The following PTPN9 variants were observed in gnomAD, a reference collection of about 807,000 sequenced individuals.
The protein encoded by PTPN9 is protein tyrosine phosphatase non-receptor type 9.
Under a neutral mutation model 69.8 loss-of-function variants are expected in PTPN9, and 26 were observed. The observed-to-expected ratio is 0.37, with a 90% CI of 0.27 to 0.52. PTPN9 has a LOEUF of 0.52. Among genes scored for constraint, PTPN9 ranks in the 20% least tolerant of loss-of-function variants. PTPN9 has a pLI of 0.91. For missense variants in PTPN9, 549 were observed against 740.3 expected, an observed-to-expected ratio of 0.74 and a Z score of 3.00; for synonymous variants, 274 against 272.5, an observed-to-expected ratio of 1.01 and a Z score of -0.05.
At chr15:75,530,737 TTATATAATA>T (rs2074957921) in intron 1 of PTPN9, among the ~76,000 whole-genome samples, 1 of 33,804 alleles carries the variant, frequency 3.0e-5, no homozygotes, top group Non-Finnish European at 4.1e-5. Context: ...ATATATATTA[TTATATAATA>T]TATATAATAT....
intron 1 of PTPN9, among the ~76,000 whole-genome samples, chr15:75,561,909 T>C (rs1595971155): frequency 6.6e-6 from 1 of 152,144 alleles, no homozygotes; most frequent in African/African-American, 2.4e-5. Flanking sequence ...GGTTTCTCCA[T>C]GTTGGTCAGG....
At chr15:75,558,478 G>C (rs1434989089) in intron 1 of PTPN9, among the ~76,000 whole-genome samples, 1 of 152,154 alleles carries the variant, frequency 6.6e-6, no homozygotes, top group Non-Finnish European at 1.5e-5. Flanking sequence ...CTGCACTCCA[G>C]CCTGGGTGAC....
At chr15:75,523,379 T>G (rs2074913515) in intron 3 of PTPN9, 134 bp from the exon 4 acceptor site, 2 of 1,006,524 alleles carry the variant, frequency 2.0e-6, no homozygotes, top group Non-Finnish European at 2.9e-6. Flanking sequence ...ACTTCACCAA[T>G]TGCTGTCCAA....
chr15:75,469,089 C>T lies in PTPN9; in HGVS notation c.1568-106G>A, dbSNP rs924139242. On this transcript the variant is annotated intron_variant, in intron 12 of 12. Transcript: ENST00000618819. ...ATGAATGACTTCACAGGCAAAGTGC[C>T]TCATGGCAGAAGGCCAGGTGGCCTT... 18 of 1,091,504 alleles carry T rather than the reference C, an allele frequency of 1.6e-5. No individual in the cohort carries two copies. In the African/African-American group the frequency reaches 2.8e-4, roughly 17 times the overall value. 67.6% of individuals were successfully genotyped at this position (1,091,504 alleles called of 1,614,324 possible).
chr15:75,554,457 G>C (rs1470518332), intron 1 of PTPN9, among the ~76,000 whole-genome samples: 3 of 151,916 alleles, frequency 2.0e-5, no homozygotes, highest in African/African-American at 7.3e-5. Context: ...GCCTTCCCAA[G>C]TGCCAGAATT....
At chr15:75,556,547 T>C (rs1255964817) in intron 1 of PTPN9, among the ~76,000 whole-genome samples, 1 of 151,900 alleles carries the variant, frequency 6.6e-6, no homozygotes, top group Non-Finnish European at 1.5e-5. Flanking sequence ...TGGCTAGTTT[T>C]TGTATTTTTT....
At position 75,470,826 on chromosome 15, in the gene PTPN9, C is replaced by T. The variant is rs1255523419; in HGVS notation, c.1213G>A (p.Glu405Lys). ...CCACACTTTCTCCTGCCGCCTTCCT[C>T]AAAGCTGAAGACACACAGAGCAAGG... Reference protein sequence around the residue: ...VLVIVMTTRFEEGGRRKCGQY... With the variant: ...VLVIVMTTRFKEGGRRKCGQY... The change falls in exon 11 of 13, where the codon GAG (glutamate) becomes AAG (lysine). Residue 405 changes from glutamate (E) to lysine (K), a missense_variant. Physicochemically the swap from Glu to Lys is moderately conservative, Grantham distance 56. Transcript: ENST00000618819. 4 of 1,614,032 alleles carry T rather than the reference C, an allele frequency of 2.5e-6. No homozygotes were observed. In the East Asian group the frequency reaches 8.9e-5, roughly 36 times the overall value.
intron 1 of PTPN9, among the ~76,000 whole-genome samples, chr15:75,539,860 G>A (rs575434152): frequency 1.3e-5 from 2 of 151,880 alleles, no homozygotes; most frequent in East Asian, 3.9e-4. Flanking sequence ...TAGTGGAGAC[G>A]GGGTTTCACC....
intron 1 of PTPN9, among the ~76,000 whole-genome samples, chr15:75,542,136 T>TAAA (rs922671913): frequency 1.3e-5 from 2 of 152,138 alleles, no homozygotes; most frequent in Non-Finnish European, 2.9e-5. Context: ...ACCAACTGCT[T>TAAA]AAAACTACAT....
At chr15:75,484,606 C>T (rs1437161602) in intron 8 of PTPN9, among the ~76,000 whole-genome samples, 1 of 152,200 alleles carries the variant, frequency 6.6e-6, no homozygotes, top group Non-Finnish European at 1.5e-5. Context: ...AAAAGAGAAA[C>T]ATCAATCAGC....
intron 1 of PTPN9, among the ~76,000 whole-genome samples, chr15:75,560,782 A>G (rs2075101110): frequency 6.6e-6 from 1 of 152,166 alleles, no homozygotes; most frequent in Non-Finnish European, 1.5e-5. Context: ...GCACTTTGGG[A>G]GGCCAAGGCA....
chr15:75,506,940 C>G (rs1247510216), intron 6 of PTPN9, among the ~76,000 whole-genome samples: 2 of 152,090 alleles, frequency 1.3e-5, no homozygotes, highest in Non-Finnish European at 2.9e-5. Flanking sequence ...TCCTGCAGAG[C>G]CAAAGTCCTC....
intron 4 of PTPN9, among the ~76,000 whole-genome samples, chr15:75,521,568 A>C (rs2074905444): frequency 1.3e-5 from 2 of 152,168 alleles, no homozygotes; most frequent in Admixed American, 1.3e-4. Flanking sequence ...CGGAGAAGCC[A>C]GATGCAATGG....
intron 7 of PTPN9, 59 bp downstream of exon 7, chr15:75,505,616 C>T: frequency 7.3e-7 from 1 of 1,377,056 alleles, no homozygotes; most frequent in Non-Finnish European, 1.0e-6. Flanking sequence ...GGAGCTGTTG[C>T]CAGAGCCTAC....
chr15:75,485,373 T>C lies in PTPN9; in HGVS notation c.1062+4835A>G, dbSNP rs1001040559. On this transcript the variant is annotated intron_variant, in intron 8 of 12. Coordinates refer to ENST00000618819, the MANE Select transcript of PTPN9 (RefSeq NM_002833.4). ...TCACTTCTTTTTTTTTTTTTTTTTT[T>C]TTTTTTGAGACGGAGTCTCGCTCTG... Among the ~76,000 whole-genome samples, 28 of 143,262 alleles carry C rather than the reference T, an allele frequency of 2.0e-4. No individual in the cohort carries two copies. The East Asian group carries it at 5.4e-3, about 28-fold the overall frequency. 94.0% of individuals were successfully genotyped at this position (143,262 alleles called of 152,430 possible). A position where few individuals can be genotyped will look rare whatever the true frequency, so the allele number is the denominator to read the frequency against.
At chr15:75,516,623 A>T (rs2074871120) in intron 5 of PTPN9, among the ~76,000 whole-genome samples, 1 of 150,260 alleles carries the variant, frequency 6.7e-6, no homozygotes, top group South Asian at 2.1e-4. Context: ...AAATTTATGT[A>T]TGTTTCATAC....
chr15:75,546,328 A>G (rs2141332851), intron 1 of PTPN9, among the ~76,000 whole-genome samples: 1 of 152,260 alleles, frequency 6.6e-6, no homozygotes, highest in Non-Finnish European at 1.5e-5. Flanking sequence ...CAAAATTGTC[A>G]GGGTGATAAT....
In PTPN9 at chr15:75,505,874, G is replaced by C; in HGVS notation, c.769C>G (p.His257Asp). ...NFQFLPQVNG[H>D]PDPFDEIILF... Reference sequence around the variant, plus strand: ...ATGATCTCATCGAAGGGATCTGGGTGGCCGTTCACCTGGGGTAGGAACTGG... The same window carrying C: ...ATGATCTCATCGAAGGGATCTGGGTCGCCGTTCACCTGGGGTAGGAACTGG... Residue 257 changes from histidine (H) to aspartate (D), a missense_variant, in exon 7 of 13, where the codon CAC becomes GAC. This residue lies in a region of PTPN9 where 457 missense variants were observed against 661.9 expected (regional missense o/e 0.69). Transcript: ENST00000618819. 1 of 1,614,100 alleles carries C rather than the reference G, an allele frequency of 6.2e-7. No homozygotes were observed. Among genetic ancestry groups the C allele is most frequent in the African/African-American group, 1.3e-5 (1 of 75,022 alleles).
At position 75,505,577 on chromosome 15, in the gene PTPN9, G is replaced by C. The variant is rs1447479956; in HGVS notation, c.968+98C>G. 8.3e-6 allele frequency: 7 copies of C among 839,590 alleles called. No individual in the cohort carries two copies. In the East Asian group the frequency reaches 1.2e-4, roughly 15 times the overall value. The allele number at this position is 839,590 out of a possible 1,614,324, so 52.0% of individuals were successfully genotyped here. The stretch of plus-strand genomic sequence containing the variant: ...AGTGATGTTCCCTAACATAAGGAAG[G>C]GTCTCTGCTAAGCAAGTGAGGGGTG... On this transcript the variant is annotated intron_variant, in intron 7 of 12. Coordinates refer to ENST00000618819, the MANE Select transcript of PTPN9 (RefSeq NM_002833.4).
Sources: gnomAD v4.1 joint callset for allele counts (sites outside exome capture counted in the v4.1 genomes callset) on GRCh38, gnomAD v4.1.1 for gene constraint, gnomAD v4.1.1 regional missense constraint, MANE v1.5 for transcripts, NCBI Gene and HGNC (gene_info 2026-07-23, HGNC 2026-07-21) for gene names.